Variants in OXSR1 observed in about 807,000 individuals in gnomAD.
OXSR1 encodes the protein serine/threonine-protein kinase OSR1.
In OXSR1, 24 loss-of-function variants were observed where a neutral mutation model predicts 79.8. The ratio of observed to expected loss-of-function variants is 0.30; its 90% CI spans 0.22 to 0.42. The LOEUF (loss-of-function observed/expected upper bound fraction) is 0.42, where lower values mean the gene tolerates loss of function less well. OXSR1 is among the 10% of genes least tolerant of loss of function. The pLI, the probability that OXSR1 is intolerant of heterozygous loss-of-function variation, is 1.00. For synonymous variants in OXSR1, 226 were observed against 209.2 expected (o/e 1.08, Z -0.69); for missense variants, 430 against 618.4 (o/e 0.70, Z 3.23).
In OXSR1 at chr3:38,198,753, G is replaced by A; in HGVS notation, c.324G>A (p.Val108=). The A allele has an allele frequency of 3.1e-6, 5 of 1,613,200 alleles. No individual in the cohort carries two copies. The highest frequency in any genetic ancestry group is 4.2e-6 in the Non-Finnish European group (5 of 1,179,364). The stretch of plus-strand genomic sequence containing the variant: ...TTCTGGATATTATTAAGCACATTGT[G>A]GCAAAAGGGGAACACAAAAGTGGAG... ...GSVLDIIKHI[V]AKGEHKSGVL... The change falls in exon 4 of 18, where the codon GTG becomes GTA. Residue 108 remains valine, a synonymous_variant. Transcript: ENST00000311806.
intron 13 of OXSR1, 92 bp downstream of exon 13, chr3:38,246,313 A>AT: frequency 1.6e-6 from 2 of 1,222,540 alleles, no homozygotes; most frequent in South Asian, 1.6e-5. Flanking sequence ...TAATCAGGTT[A>AT]ATGTCTTGGT....
intron 4 of OXSR1, among the ~76,000 whole-genome samples, chr3:38,201,057 G>C: frequency 6.6e-6 from 1 of 152,042 alleles, no homozygotes; most frequent in South Asian, 2.1e-4. Flanking sequence ...TGACGCATCT[G>C]CTTGTGATTT....
intron 1 of OXSR1, among the ~76,000 whole-genome samples, chr3:38,169,840 C>T (rs1701542483): frequency 6.6e-6 from 1 of 151,582 alleles, no homozygotes; most frequent in African/African-American, 2.4e-5. Flanking sequence ...AGTGATCCTC[C>T]CACCCCTGCC....
In OXSR1 at chr3:38,198,726, T is replaced by C. The variant is rs56013125; in HGVS notation, c.297T>C (p.Ser99=). 4.5e-4 allele frequency: 723 copies of C among 1,610,544 alleles called. 10 individuals carry two copies. Among genetic ancestry groups the C allele is most frequent in the Admixed American group, 2.9e-4 (17 of 59,596 alleles). ...AATTATGTCTTCTGTTTTCAGGTTC[T>C]GTTCTGGATATTATTAAGCACATTG... ...WLVMKLLSGG[S]VLDIIKHIVA... is the part of the protein sequence containing the mutation. Residue 99 remains serine (S), a synonymous_variant, in exon 4 of 18, where the codon TCT becomes TCC. Coordinates refer to ENST00000311806, the MANE Select transcript of OXSR1 (RefSeq NM_005109.3).
intron 5 of OXSR1, among the ~76,000 whole-genome samples, chr3:38,219,529 A>G (rs1702547089): frequency 6.6e-6 from 1 of 152,166 alleles, no homozygotes; most frequent in Non-Finnish European, 1.5e-5. Flanking sequence ...TTATTAAGTC[A>G]TTTAATCCTT....
chr3:38,245,824 C>T (rs190268420), intron 12 of OXSR1, among the ~76,000 whole-genome samples: 8 of 152,138 alleles, frequency 5.3e-5, no homozygotes, highest in Admixed American at 3.9e-4. Context: ...GTACAAAAAT[C>T]GCCAAATTGT....
At chr3:38,167,380 G>C (rs1386044074) in intron 1 of OXSR1, among the ~76,000 whole-genome samples, 1 of 152,200 alleles carries the variant, frequency 6.6e-6, no homozygotes, top group Non-Finnish European at 1.5e-5. Context: ...TAGCTATACA[G>C]GCTCAATCCA....
In OXSR1 at chr3:38,254,596, T is replaced by C. The variant is rs1011886970; in HGVS notation, c.*1705T>C. 2 of 223,414 alleles carry C rather than the reference T, an allele frequency of 9.0e-6. No homozygotes were observed. Among genetic ancestry groups the C allele is most frequent in the African/African-American group, 4.5e-5 (2 of 44,390 alleles). The allele number at this position is 223,414 out of a possible 1,614,324, so 13.8% of individuals were successfully genotyped here. On this transcript the variant is annotated 3_prime_UTR_variant, in exon 18 of 18. Coordinates refer to ENST00000311806, the MANE Select transcript of OXSR1 (RefSeq NM_005109.3). ...CTAGAAAAATACTTAGCTTTTCTTTTTCTTTTTTTGTGGAGGGGGGACGGA... is the reference window on the plus strand; with the variant it reads ...CTAGAAAAATACTTAGCTTTTCTTTCTCTTTTTTTGTGGAGGGGGGACGGA...
Position 38,198,325 on chromosome 3 carries a change from T to C in OXSR1, c.293-397T>C, listed in dbSNP as rs1286664246. Among the ~76,000 whole-genome samples, 3 of 152,224 alleles carry C rather than the reference T, an allele frequency of 2.0e-5. No homozygotes were observed. The East Asian group carries it at 5.8e-4, about 29-fold the overall frequency. Reference sequence around the variant, plus strand: ...GCTCCTGATTTGATTGGCATTTCAATTGTATTTTTATATCTTTAGTCATAC... The same window carrying C: ...GCTCCTGATTTGATTGGCATTTCAACTGTATTTTTATATCTTTAGTCATAC... On this transcript the variant is annotated intron_variant, in intron 3 of 17. Coordinates refer to ENST00000311806, the MANE Select transcript of OXSR1 (RefSeq NM_005109.3).
rs1701967828 is a variant in OXSR1, at chr3:38,190,808, G to A, written c.261G>A (p.Glu87=). Residue 87 remains glutamate, a synonymous_variant, in exon 3 of 18, where the codon GAG becomes GAA. Coordinates refer to ENST00000311806, the MANE Select transcript of OXSR1 (RefSeq NM_005109.3). ...SYYTSFVVKD[E]LWLVMKLLSG... is the part of the protein sequence containing the mutation. ...ACACATCTTTTGTGGTAAAAGATGA[G>A]CTGTGGCTTGTCATGAAGCTGCTAA... 2 of 1,605,204 alleles carry A rather than the reference G, an allele frequency of 1.2e-6. No individual in the cohort carries two copies. The highest frequency in any genetic ancestry group is 2.2e-5 in the East Asian group (1 of 44,816).
chr3:38,193,600 C>G (rs1187006309), intron 3 of OXSR1, among the ~76,000 whole-genome samples: 2 of 151,010 alleles, frequency 1.3e-5, no homozygotes, highest in African/African-American at 2.4e-5. Context: ...TCTGCTACTC[C>G]TAAGCAGAAC....
intron 10 of OXSR1, chr3:38,230,818 G>A (rs1362467055): frequency 5.8e-6 from 1 of 173,866 alleles, no homozygotes; most frequent in East Asian, 1.7e-4. Flanking sequence ...ACTTTATTAC[G>A]CATATGTAAT....
At chr3:38,235,418 G>A (rs1702899623) in intron 10 of OXSR1, among the ~76,000 whole-genome samples, 1 of 152,100 alleles carries the variant, frequency 6.6e-6, no homozygotes, top group Non-Finnish European at 1.5e-5. Flanking sequence ...ATTTGAGAAG[G>A]TACAGCATTT....
chr3:38,234,727 TC>T (rs1400748531), intron 10 of OXSR1, among the ~76,000 whole-genome samples: 1 of 152,228 alleles, frequency 6.6e-6, no homozygotes, highest in Non-Finnish European at 1.5e-5. Flanking sequence ...ACCCAGCAGT[TC>T]TACTCCTAGG....
chr3:38,246,025 G>A (rs201207428), intron 12 of OXSR1, 50 bp from the exon 13 acceptor site: 5 of 1,577,898 alleles, frequency 3.2e-6, no homozygotes, highest in Admixed American at 3.3e-5. Flanking sequence ...CAGCAGACCT[G>A]CCTCCCTTTC....
In OXSR1 at chr3:38,190,718, C is replaced by T. The variant is rs377554817; in HGVS notation, c.184-13C>T. ...TGCATATAATGAATTATTATGTTTT[C>T]TCTTCTTTGTAGAAAGAAATTCAAG... On this transcript the variant is annotated splice_polypyrimidine_tract_variant and intron_variant, in intron 2 of 17. Transcript: ENST00000311806. 4.1e-5 allele frequency: 57 copies of T among 1,378,722 alleles called. No homozygotes were observed. Among genetic ancestry groups the T allele is most frequent in the Non-Finnish European group, 5.4e-5 (52 of 968,062 alleles). The allele number at this position is 1,378,722 out of a possible 1,614,324, so 85.4% of individuals were successfully genotyped here.
At chr3:38,164,994 C>T (rs1701405416), upstream of OXSR1, 1 of 152,236 alleles carries the variant, frequency 6.6e-6, no homozygotes, top group Non-Finnish European at 1.5e-5. Context: ...TTCTCCACAC[C>T]CTGTAGAGCC....
chr3:38,239,790 C>T (rs1490757056), intron 11 of OXSR1, among the ~76,000 whole-genome samples: 1 of 152,098 alleles, frequency 6.6e-6, no homozygotes, highest in African/African-American at 2.4e-5. Context: ...CCTTGGTCTC[C>T]CGGTCTCTTA....
chr3:38,243,037 T>G (rs1703067741), intron 12 of OXSR1, among the ~76,000 whole-genome samples: 1 of 150,678 alleles, frequency 6.6e-6, no homozygotes, highest in South Asian at 2.1e-4. Flanking sequence ...TTTATTTATT[T>G]ATTTATTTAT....
Sources: gnomAD v4.1 joint callset for allele counts (sites outside exome capture counted in the v4.1 genomes callset) on GRCh38, gnomAD v4.1.1 for gene constraint, MANE v1.5 for transcripts, NCBI Gene and HGNC (gene_info 2026-07-23, HGNC 2026-07-21) for gene names.